Variants in GPC6 observed in about 807,000 individuals in gnomAD.
The protein encoded by GPC6 is glypican-6.
Under a neutral mutation model 55.2 loss-of-function variants are expected in GPC6, and 14 were observed. The observed-to-expected ratio is 0.25, with a 90% confidence interval of 0.17 to 0.40. The LOEUF (loss-of-function observed/expected upper bound fraction) is 0.40, where lower values mean the gene tolerates loss of function less well. GPC6 is among the 10% of genes least tolerant of loss of function. The pLI is 1.00. For missense variants in GPC6, 641 were observed against 708.5 expected (o/e 0.90, Z 1.08); for synonymous variants, 278 against 259.6 (o/e 1.07, Z -0.68).
chr13:93,454,954 T>G (rs1050969414), intron 1 of GPC6, among the ~76,000 whole-genome samples: 37 of 152,278 alleles, frequency 2.4e-4, no homozygotes, highest in South Asian at 1.9e-3. Flanking sequence ...CAAGGCCTGG[T>G]GAGAAATCGA....
chr13:93,994,537 T>TAA (rs1328983356), intron 3 of GPC6, among the ~76,000 whole-genome samples: 1 of 152,172 alleles, frequency 6.6e-6, no homozygotes. Flanking sequence ...AAAAGAAACT[T>TAA]TGATTCTGTT....
At chr13:93,616,212 AC>A (rs1594314125) in intron 2 of GPC6, among the ~76,000 whole-genome samples, 1 of 152,224 alleles carries the variant, frequency 6.6e-6, no homozygotes, top group East Asian at 1.9e-4. Context: ...AATACAGCTA[AC>A]TAGCACATTC....
intron 1 of GPC6, among the ~76,000 whole-genome samples, chr13:93,400,450 G>A (rs1291259637): frequency 1.3e-5 from 2 of 149,244 alleles, no homozygotes; most frequent in Admixed American, 1.3e-4. Flanking sequence ...CAGACGTTAG[G>A]AAGGGTAGTG....
chr13:93,696,875 C>T (rs962123617), intron 2 of GPC6, among the ~76,000 whole-genome samples: 92 of 152,128 alleles, frequency 6.0e-4, no homozygotes, highest in African/African-American at 1.7e-4. Flanking sequence ...CTGCCCACCT[C>T]GGCCTCCCAA....
At chr13:93,698,563 TA>T (rs1566492800) in intron 2 of GPC6, among the ~76,000 whole-genome samples, 1 of 149,338 alleles carries the variant, frequency 6.7e-6, no homozygotes, top group Non-Finnish European at 1.5e-5. Context: ...TTTTATTAGT[TA>T]GATTATTTCC....
chr13:94,309,473 ACT>A, intron 6 of GPC6, among the ~76,000 whole-genome samples: 1 of 152,130 alleles, frequency 6.6e-6, no homozygotes, highest in African/African-American at 2.4e-5. Flanking sequence ...TGAAAACAAA[ACT>A]CTCTCTTAAA....
At chr13:93,543,131 G>C (rs1882394781) in intron 1 of GPC6, among the ~76,000 whole-genome samples, 1 of 151,808 alleles carries the variant, frequency 6.6e-6, no homozygotes, top group South Asian at 2.1e-4. Context: ...TCCAGTTTTA[G>C]CCCATTCCAT....
At position 93,442,645 on chromosome 13, in the gene GPC6, C is replaced by T. The variant is rs150483030; in HGVS notation, c.161-102618C>T. ...AGATGGATATGCACAGCGATGACTA[C>T]GAATGTCTTTCATTTCTTATCCCCA... On this transcript the variant is annotated intron_variant, in intron 1 of 8. Transcript: ENST00000377047. Among the ~76,000 whole-genome samples the T allele has an allele frequency of 6.6e-5, 10 of 152,252 alleles. 2 individuals are homozygous for T. The highest frequency in any genetic ancestry group is 1.7e-4 in the African/African-American group (7 of 41,560).
At chr13:93,622,187 C>T (rs200988614) in intron 2 of GPC6, among the ~76,000 whole-genome samples, 2 of 152,130 alleles carry the variant, frequency 1.3e-5, no homozygotes, top group East Asian at 3.9e-4. Flanking sequence ...CATCATAATA[C>T]CATGCTCAAA....
At chr13:93,815,717 G>T (rs987540716) in intron 2 of GPC6, among the ~76,000 whole-genome samples, 2 of 152,062 alleles carry the variant, frequency 1.3e-5, no homozygotes, top group South Asian at 4.1e-4. Context: ...TTTTCATTTA[G>T]TTCTTACACA....
intron 4 of GPC6, among the ~76,000 whole-genome samples, chr13:94,031,172 G>C (rs1281124052): frequency 6.6e-6 from 1 of 151,958 alleles, no homozygotes; most frequent in Non-Finnish European, 1.5e-5. Flanking sequence ...CATTTTCAAA[G>C]TCCTCCTCCA....
chr13:93,434,112 C>G (rs1877475134), intron 1 of GPC6, among the ~76,000 whole-genome samples: 1 of 152,216 alleles, frequency 6.6e-6, no homozygotes, highest in Admixed American at 6.5e-5. Context: ...CATCCAGGGA[C>G]TGCTTTGGCT....
intron 1 of GPC6, among the ~76,000 whole-genome samples, chr13:93,427,838 C>G: frequency 6.6e-6 from 1 of 152,160 alleles, no homozygotes; most frequent in Non-Finnish European, 1.5e-5. Flanking sequence ...AAATCCAGAT[C>G]ATGTTTGCAT....
At chr13:93,309,193 C>T (rs1312692783) in intron 1 of GPC6, among the ~76,000 whole-genome samples, 1 of 152,040 alleles carries the variant, frequency 6.6e-6, no homozygotes, top group Non-Finnish European at 1.5e-5. Flanking sequence ...AAATGATATG[C>T]TTTTTGAAAA....
intron 4 of GPC6, among the ~76,000 whole-genome samples, chr13:94,101,715 T>C (rs1885866730): frequency 6.6e-6 from 1 of 152,106 alleles, no homozygotes; most frequent in African/African-American, 2.4e-5. Flanking sequence ...AAAAGGTGGA[T>C]CCTGGATTCT....
chr13:93,864,171 A>G (rs1274081328), intron 3 of GPC6, among the ~76,000 whole-genome samples: 1 of 151,714 alleles, frequency 6.6e-6, no homozygotes, highest in African/African-American at 2.4e-5. Context: ...TGCCCACCTT[A>G]TAATAACCAA....
chr13:93,394,254 A>T (rs1566333935), intron 1 of GPC6, among the ~76,000 whole-genome samples: 1 of 152,154 alleles, frequency 6.6e-6, no homozygotes, highest in Admixed American at 6.5e-5. Context: ...ATCAGCATGC[A>T]TTTACTTGCA....
intron 1 of GPC6, among the ~76,000 whole-genome samples, chr13:93,293,953 G>A (rs1462734393): frequency 6.6e-6 from 1 of 152,162 alleles, no homozygotes; most frequent in African/African-American, 2.4e-5. Flanking sequence ...ATCGTCCATT[G>A]TAATGATCCC....
chr13:93,733,607 C>G (rs1334684597), intron 2 of GPC6, among the ~76,000 whole-genome samples: 1 of 151,838 alleles, frequency 6.6e-6, no homozygotes, highest in Non-Finnish European at 1.5e-5. Context: ...AGTCAAGGAT[C>G]TTAGCTGTCC....
Sources: allele counts gnomAD v4.1 joint callset (sites outside exome capture counted in the v4.1 genomes callset), GRCh38; gene constraint gnomAD v4.1.1; transcripts MANE v1.5; gene names NCBI Gene and HGNC (gene_info 2026-07-23, HGNC 2026-07-21).